GPHN: variants seen among roughly 807,000 people sequenced by gnomAD.
GPHN encodes the protein gephyrin.
Under a neutral mutation model 95.5 loss-of-function variants are expected in GPHN, and 17 were observed. That is an observed-to-expected ratio of 0.18 (90% CI 0.12 to 0.27). GPHN has a LOEUF of 0.27. Among genes scored for constraint, GPHN ranks in the 10% least tolerant of loss-of-function variants. The probability of loss-of-function intolerance (pLI) is 1.00; values close to 1 mark genes in which losing one functional copy is unlikely to be tolerated. For synonymous variants in GPHN, 320 were observed against 322.5 expected, an observed-to-expected ratio of 0.99 and a Z score of 0.08; for missense variants, 660 against 978.1, an observed-to-expected ratio of 0.67 and a Z score of 4.34.
chr14:66,763,727 G>A (rs2058850878), intron 2 of GPHN, among the ~76,000 whole-genome samples: 1 of 151,784 alleles, frequency 6.6e-6, no homozygotes, highest in Non-Finnish European at 1.5e-5. Flanking sequence ...CCAAACCCTG[G>A]GCCATTGAAC....
intron 5 of GPHN, among the ~76,000 whole-genome samples, chr14:66,894,971 C>T (rs2064752588): frequency 1.3e-5 from 2 of 152,180 alleles, no homozygotes; most frequent in African/African-American, 4.8e-5. Flanking sequence ...GGATCTAGAA[C>T]TAGAAATACC....
chr14:66,689,521 G>A (rs887840503), intron 2 of GPHN, among the ~76,000 whole-genome samples: 11 of 152,060 alleles, frequency 7.2e-5, no homozygotes, highest in Non-Finnish European at 1.3e-4. Flanking sequence ...TTTTGCATTT[G>A]AGTCCTTGGT....
intron 16 of GPHN, 82 bp from the exon 17 acceptor site, chr14:67,122,174 C>T: frequency 7.3e-7 from 1 of 1,373,588 alleles, no homozygotes; most frequent in Non-Finnish European, 1.0e-6. Flanking sequence ...ATGCTAAACT[C>T]AGTTTAGTAG....
rs182277136 is a variant in GPHN at position 66,842,340 on chromosome 14, C to T, written c.294+17774C>T. ...CTCATTCACAAAGAGTGGAAGGGAT[C>T]CCACTGAATTAGAAACCCGACCTAC... On this transcript the variant is annotated intron_variant, in intron 4 of 22. Coordinates refer to ENST00000478722, the MANE Select transcript of GPHN (RefSeq NM_020806.5). Among the ~76,000 whole-genome samples, 518 of 148,450 alleles carry T rather than the reference C, an allele frequency of 3.5e-3. 1 individual carries two copies. The highest frequency in any genetic ancestry group is 0.012 in the African/African-American group (482 of 40,206).
the GPHN span, among the ~76,000 whole-genome samples, chr14:67,710,010 G>GT: frequency 6.6e-6 from 1 of 152,144 alleles, no homozygotes; most frequent in Non-Finnish European, 1.5e-5. Context: ...GAATGTAACC[G>GT]TTTGTTTACT....
the GPHN span, among the ~76,000 whole-genome samples, chr14:67,731,586 T>C: frequency 6.6e-6 from 1 of 151,992 alleles, no homozygotes; most frequent in African/African-American, 2.4e-5. Flanking sequence ...CTTAAATATG[T>C]AATAAAATAT....
the GPHN span, chr14:67,381,450 T>G: frequency 4.3e-5 from 23 of 533,882 alleles, no homozygotes; most frequent in Non-Finnish European, 7.6e-5. Context: ...GCCTCCCTTT[T>G]ATAAATAAGG....
At chr14:67,428,069 G>A in the GPHN span, among the ~76,000 whole-genome samples, 33 of 152,018 alleles carry the variant, frequency 2.2e-4, no homozygotes, top group Non-Finnish European at 3.4e-4. Flanking sequence ...TTAGGCACCC[G>A]CCACCACACC....
intron 8 of GPHN, among the ~76,000 whole-genome samples, chr14:66,927,733 A>G (rs2153564210): frequency 6.6e-6 from 1 of 151,938 alleles, no homozygotes; most frequent in South Asian, 2.1e-4. Flanking sequence ...CAGTTTTTTT[A>G]GGGTTTTTAT....
intron 11 of GPHN, among the ~76,000 whole-genome samples, chr14:67,088,382 A>C (rs904429989): frequency 6.6e-6 from 1 of 152,174 alleles, no homozygotes; most frequent in East Asian, 1.9e-4. Context: ...TATATGCTGC[A>C]GATTTGACTT....
chr14:67,196,755 C>T, the GPHN span: 11 of 152,184 alleles, frequency 7.2e-5, no homozygotes, highest in African/African-American at 2.7e-4. Context: ...ACCAAAAGAC[C>T]ACGGTGAGGA....
chr14:67,606,879 C>T, the GPHN span, among the ~76,000 whole-genome samples: 2 of 152,134 alleles, frequency 1.3e-5, no homozygotes, highest in African/African-American at 4.8e-5. Context: ...ATCTCTTGAC[C>T]TCGTGATCTG....
At chr14:67,604,722 CAA>C in the GPHN span, among the ~76,000 whole-genome samples, 13 of 114,522 alleles carry the variant, frequency 1.1e-4, no homozygotes, top group South Asian at 5.9e-4. Context: ...ACAACAACAA[CAA>C]AAAAAACTTT....
chr14:66,861,441 A>G (rs571588294), intron 4 of GPHN, among the ~76,000 whole-genome samples: 1 of 152,198 alleles, frequency 6.6e-6, no homozygotes, highest in Admixed American at 6.5e-5. Flanking sequence ...CAGATCATGC[A>G]GACAGAAAAT....
At chr14:67,414,509 C>A in the GPHN span, among the ~76,000 whole-genome samples, 2 of 152,234 alleles carry the variant, frequency 1.3e-5, no homozygotes. Context: ...CAGAGAGACA[C>A]CCCTCCTCTC....
the GPHN span, among the ~76,000 whole-genome samples, chr14:67,518,294 C>T: frequency 6.6e-6 from 1 of 152,252 alleles, no homozygotes; most frequent in South Asian, 2.1e-4. Context: ...ACTCTCCATC[C>T]TAGTTGGATG....
intron 4 of GPHN, among the ~76,000 whole-genome samples, chr14:66,844,274 C>A (rs1332341851): frequency 6.6e-6 from 1 of 152,006 alleles, no homozygotes; most frequent in Non-Finnish European, 1.5e-5. Context: ...GATATTTTCT[C>A]ATTATTGTAT....
At chr14:67,156,023 A>G (rs1172179727) in intron 18 of GPHN, among the ~76,000 whole-genome samples, 2 of 152,222 alleles carry the variant, frequency 1.3e-5, no homozygotes, top group Non-Finnish European at 2.9e-5. Flanking sequence ...ATGTACTTCA[A>G]AAATGAAGGT....
the GPHN span, among the ~76,000 whole-genome samples, chr14:67,455,206 G>A: frequency 2.0e-5 from 3 of 152,136 alleles, no homozygotes; most frequent in South Asian, 2.1e-4. Flanking sequence ...GCCCAGCCTC[G>A]CCAAGGTGCT....
Sources: gnomAD v4.1 joint callset for allele counts (sites outside exome capture counted in the v4.1 genomes callset) on GRCh38, gnomAD v4.1.1 for gene constraint, MANE v1.5 for transcripts, NCBI Gene and HGNC (gene_info 2026-07-23, HGNC 2026-07-21) for gene names.